BANF2: variants seen among roughly 807,000 people sequenced by gnomAD.
The protein encoded by BANF2 is barrier-to-autointegration factor-like protein.
Under a neutral mutation model 8.0 loss-of-function variants are expected in BANF2, and 4 were observed. That is an observed-to-expected ratio of 0.50 (90% confidence interval 0.25 to 1.14). The LOEUF (loss-of-function observed/expected upper bound fraction) is 1.14, where lower values mean the gene tolerates loss of function less well. Among genes scored for constraint, BANF2 ranks in the 50% most tolerant of loss-of-function variants. The pLI, the probability that BANF2 is intolerant of heterozygous loss-of-function variation, is 0.16. For missense variants in BANF2, 96 were observed against 107.5 expected (o/e 0.89, Z 0.47); for synonymous variants, 50 against 40.6 (o/e 1.23, Z -0.88).
intron 1 of BANF2, among the ~76,000 whole-genome samples, chr20:17,708,045 TC>T (rs1307783264): frequency 0.035 from 2,073 of 58,568 alleles, 91 homozygotes; most frequent in African/African-American, 0.079. Context: ...CTACTAAAAA[TC>T]AAAAAAAAAA....
Position 17,735,858 on chromosome 20 carries a change from G to C in BANF2, c.*47G>C, listed in dbSNP as rs199599280. The C allele has an allele frequency of 2.5e-6, 4 of 1,580,504 alleles. No homozygotes were observed. The African/African-American group carries it at 4.0e-5, about 16-fold the overall frequency. ...CCCACCACCCTCTGGGGAAAATGAC[G>C]CCTTCTCCACCTATGCCCAGGCTCC... On this transcript the variant is annotated 3_prime_UTR_variant, in exon 4 of 4. Transcript: ENST00000246090.
At chr20:17,725,269 C>G (rs558953169) in intron 3 of BANF2, 118 bp downstream of exon 3, 14 of 1,310,422 alleles carry the variant, frequency 1.1e-5, no homozygotes, top group Non-Finnish European at 1.4e-5. Context: ...GCAAAGCTGC[C>G]GCTTGGCGGG....
chr20:17,732,538 G>A (rs1464303073), intron 3 of BANF2, among the ~76,000 whole-genome samples: 1 of 151,864 alleles, frequency 6.6e-6, no homozygotes, highest in African/African-American at 2.4e-5. Context: ...TGTATTTTTA[G>A]TAGAGATGGG....
upstream of BANF2, among the ~76,000 whole-genome samples, chr20:17,697,429 GCCAAC>G (rs1337671543): frequency 6.6e-6 from 1 of 152,142 alleles, no homozygotes. Context: ...TACTCCAAAG[GCCAAC>G]CAGCAGAACA....
chr20:17,715,282 T>C (rs1821981458), intron 1 of BANF2, among the ~76,000 whole-genome samples: 1 of 152,192 alleles, frequency 6.6e-6, no homozygotes, highest in Non-Finnish European at 1.5e-5. Context: ...GTGTGTGGTG[T>C]GCCCTGCCGT....
chr20:17,706,044 C>T (rs1003331201), intron 1 of BANF2, among the ~76,000 whole-genome samples: 1 of 152,222 alleles, frequency 6.6e-6, no homozygotes, highest in Non-Finnish European at 1.5e-5. Context: ...GTGCAGAAAA[C>T]CACATGGGTC....
chr20:17,703,329 G>A (rs1442800718), intron 1 of BANF2, among the ~76,000 whole-genome samples: 1 of 152,198 alleles, frequency 6.6e-6, no homozygotes, highest in African/African-American at 2.4e-5. Context: ...CAGGGATGCA[G>A]TCTGCCCTCT....
intron 1 of BANF2, among the ~76,000 whole-genome samples, chr20:17,704,497 C>T (rs972626555): frequency 6.6e-6 from 1 of 152,150 alleles, no homozygotes; most frequent in Non-Finnish European, 1.5e-5. Flanking sequence ...GTGGACAGCA[C>T]TTCTTTGGGT....
At chr20:17,734,365 C>T (rs1191354723) in intron 3 of BANF2, among the ~76,000 whole-genome samples, 5 of 152,188 alleles carry the variant, frequency 3.3e-5, no homozygotes, top group Admixed American at 2.6e-4. Flanking sequence ...AGAACTACAG[C>T]TCCCAGTATG....
chr20:17,715,147 C>T (rs1268135325), intron 1 of BANF2, among the ~76,000 whole-genome samples: 1 of 152,174 alleles, frequency 6.6e-6, no homozygotes, highest in Admixed American at 6.5e-5. Flanking sequence ...CAGCCCAGCT[C>T]CTCCAGCAGG....
chr20:17,710,623 A>G (rs563833352), intron 1 of BANF2, among the ~76,000 whole-genome samples: 3 of 152,164 alleles, frequency 2.0e-5, no homozygotes, highest in Non-Finnish European at 4.4e-5. Flanking sequence ...CCTTCTTTCC[A>G]TGTGAGCAGG....
intron 1 of BANF2, among the ~76,000 whole-genome samples, chr20:17,709,743 A>G (rs1336426779): frequency 2.6e-5 from 4 of 152,224 alleles, no homozygotes; most frequent in African/African-American, 7.2e-5. Context: ...GCCATAGGTC[A>G]GTTAATTTAT....
intron 3 of BANF2, among the ~76,000 whole-genome samples, chr20:17,727,736 T>C (rs761854709): frequency 6.6e-6 from 1 of 152,100 alleles, no homozygotes. Context: ...GTTTTTATTT[T>C]GTTTTGTTTT....
intron 3 of BANF2, among the ~76,000 whole-genome samples, chr20:17,727,597 G>A (rs1049003680): frequency 2.0e-5 from 3 of 152,216 alleles, no homozygotes; most frequent in South Asian, 2.1e-4. Context: ...CGGCCCCTCC[G>A]AGATGGGCAA....
intron 2 of BANF2, 139 bp from the exon 3 acceptor site, chr20:17,724,884 G>T (rs2037781244): frequency 5.7e-6 from 5 of 877,012 alleles, no homozygotes; most frequent in African/African-American, 1.7e-5. Context: ...GTAGACCCCG[G>T]GAAATGCTGG....
chr20:17,712,663 A>G, intron 1 of BANF2: 1 of 537,232 alleles, frequency 1.9e-6, no homozygotes. Context: ...CATGGGGCAG[A>G]GAAGGTAGAT....
chr20:17,719,527 G>A (rs536675948), intron 1 of BANF2, among the ~76,000 whole-genome samples: 9 of 152,054 alleles, frequency 5.9e-5, no homozygotes, highest in East Asian at 1.9e-4. Flanking sequence ...GAAGGATTTC[G>A]GGGAGCCCAA....
chr20:17,712,365 T>C, intron 1 of BANF2: 1 of 207,920 alleles, frequency 4.8e-6, no homozygotes, highest in Non-Finnish European at 8.4e-6. Context: ...CAGCCACTGT[T>C]TACTGCTGCT....
intron 1 of BANF2, among the ~76,000 whole-genome samples, chr20:17,719,708 A>T (rs1411794208): frequency 2.7e-5 from 4 of 145,968 alleles, no homozygotes; most frequent in African/African-American, 5.0e-5. Flanking sequence ...AAAAAAGAGG[A>T]GCAGCTTGTT....
Sources: gnomAD v4.1 joint callset for allele counts (sites outside exome capture counted in the v4.1 genomes callset) on GRCh38, gnomAD v4.1.1 for gene constraint, MANE v1.5 for transcripts, NCBI Gene and HGNC (gene_info 2026-07-23, HGNC 2026-07-21) for gene names.